The following NF2 variants were observed in gnomAD, a reference collection of about 807,000 sequenced individuals.
The protein encoded by NF2 is NF2, moesin-ezrin-radixin like (MERLIN) tumor suppressor, also known as merlin.
Under a neutral mutation model 83.7 loss-of-function variants are expected in NF2, and 8 were observed. The ratio of observed to expected loss-of-function variants is 0.10; its 90% CI spans 0.06 to 0.17. The LOEUF is 0.17. Ranked by LOEUF, NF2 falls within the 10% of genes least tolerant of loss-of-function variation. The pLI, the probability that NF2 is intolerant of heterozygous loss-of-function variation, is 1.00. For synonymous variants in NF2, 266 were observed against 269.6 expected (o/e 0.99, Z 0.13); for missense variants, 533 against 744.4 (o/e 0.72, Z 3.31).
At chr22:29,646,675 C>A (rs2065990011) in intron 4 of NF2, among the ~76,000 whole-genome samples, 1 of 152,114 alleles carries the variant, frequency 6.6e-6, no homozygotes, top group African/African-American at 2.4e-5. Flanking sequence ...AAACAATTAC[C>A]CTCAAAGTAT....
intron 14 of NF2, among the ~76,000 whole-genome samples, chr22:29,681,115 TC>T (rs1048541292): frequency 2.0e-5 from 3 of 151,744 alleles, no homozygotes; most frequent in Non-Finnish European, 4.4e-5. Context: ...GGTCTCCAAC[TC>T]CTGGGCTCAA....
chr22:29,688,229 C>A (rs537254755), intron 15 of NF2, among the ~76,000 whole-genome samples: 1 of 152,266 alleles, frequency 6.6e-6, no homozygotes, highest in South Asian at 2.1e-4. Context: ...GGTACTTTAC[C>A]ACCATTTGGA....
chr22:29,636,609 A>T lies in NF2; in HGVS notation c.115-142A>T. 9.1e-7 allele frequency: 1 copy of T among 1,102,768 alleles called. No individual in the cohort carries two copies. Among genetic ancestry groups the T allele is most frequent in the South Asian group, 1.3e-5 (1 of 76,584 alleles). The allele number at this position is 1,102,768 out of a possible 1,614,324, so 68.3% of individuals were successfully genotyped here. On this transcript the variant is annotated intron_variant, in intron 1 of 15. Coordinates refer to ENST00000338641, the MANE Select transcript of NF2 (RefSeq NM_000268.4). The surrounding 1 kb of genome is among the most constrained non-coding windows in gnomAD (Gnocchi z 4.4). The stretch of plus-strand genomic sequence containing the variant: ...CTCATGGGTTTGTAAAGGAAGCTTT[A>T]AAATTATTTAGGAATTCAGTCCTCA...
chr22:29,648,100 C>T (rs1311331847), intron 4 of NF2, among the ~76,000 whole-genome samples: 2 of 151,250 alleles, frequency 1.3e-5, no homozygotes, highest in African/African-American at 4.9e-5. Flanking sequence ...CACTGCACTC[C>T]AGCCTGGACG....
At chr22:29,607,000 C>T (rs1290547799) in intron 1 of NF2, among the ~76,000 whole-genome samples, 3 of 152,136 alleles carry the variant, frequency 2.0e-5, no homozygotes, top group Admixed American at 6.6e-5. Context: ...GCCAAGATCA[C>T]GCCACTGCAC....
intron 4 of NF2, among the ~76,000 whole-genome samples, chr22:29,645,663 A>G (rs1452435028): frequency 6.6e-6 from 1 of 152,148 alleles, no homozygotes; most frequent in Non-Finnish European, 1.5e-5. Context: ...CAGCCTCTCA[A>G]GGACACCACC....
chr22:29,612,774 G>C (rs2064985835), intron 1 of NF2, among the ~76,000 whole-genome samples: 1 of 152,162 alleles, frequency 6.6e-6, no homozygotes, highest in South Asian at 2.1e-4. Context: ...CATAATCCCT[G>C]TCAGAATCCC....
chr22:29,646,067 GC>G (rs1244577500), intron 4 of NF2, among the ~76,000 whole-genome samples: 2 of 152,160 alleles, frequency 1.3e-5, no homozygotes, highest in Admixed American at 6.5e-5. Flanking sequence ...GATCTTACAT[GC>G]CCATAGTGTT....
intron 1 of NF2, among the ~76,000 whole-genome samples, chr22:29,605,494 A>G (rs188193953): frequency 5.3e-5 from 8 of 151,880 alleles, no homozygotes; most frequent in Admixed American, 3.3e-4. Context: ...AATTTTTGTA[A>G]AGACAGGGTT....
chr22:29,664,314 C>G (rs1037710356), intron 8 of NF2, among the ~76,000 whole-genome samples: 1 of 151,924 alleles, frequency 6.6e-6, no homozygotes, highest in Non-Finnish European at 1.5e-5. Flanking sequence ...TACACCCACC[C>G]CTTCCTCCCT....
rs990155264 is a variant in NF2 at position 29,609,225 on chromosome 22, G to C, written c.114+5113G>C. ...TTGGCACCATGGGCTAATCAACTAGGTATGACCTTGGTTATGACAGTGGAA... is the reference window on the plus strand; with the variant it reads ...TTGGCACCATGGGCTAATCAACTAGCTATGACCTTGGTTATGACAGTGGAA... On this transcript the variant is annotated intron_variant, in intron 1 of 15. Transcript: ENST00000338641. 85 of 731,296 alleles carry C rather than the reference G, an allele frequency of 1.2e-4. 1 individual carries two copies. The Admixed American group carries it at 1.5e-3, about 13-fold the overall frequency. The allele number at this position is 731,296 out of a possible 1,614,324, so 45.3% of individuals were successfully genotyped here.
chr22:29,678,163 C>A (rs745975281), intron 13 of NF2, 33 bp from the exon 14 acceptor site: 2 of 1,612,864 alleles, frequency 1.2e-6, no homozygotes, highest in Admixed American at 1.7e-5. Flanking sequence ...CTTGTATGAC[C>A]CAAGCTCCTA....
intron 4 of NF2, among the ~76,000 whole-genome samples, chr22:29,650,528 TTC>T (rs2066117586): frequency 6.6e-6 from 1 of 152,024 alleles, no homozygotes; most frequent in African/African-American, 2.4e-5. Context: ...TTCTTTCTTT[TTC>T]TTTCTTTCTC....
chr22:29,673,741 C>T (rs1212498850), intron 12 of NF2, among the ~76,000 whole-genome samples: 2 of 152,230 alleles, frequency 1.3e-5, no homozygotes, highest in African/African-American at 2.4e-5. Flanking sequence ...TTGATAAGCC[C>T]CTGTCCCTCT....
chr22:29,654,200 G>C (rs1294130578), intron 4 of NF2, among the ~76,000 whole-genome samples: 1 of 152,150 alleles, frequency 6.6e-6, no homozygotes. Flanking sequence ...TGGGTGAAAG[G>C]TATTAAAACT....
At chr22:29,607,508 C>A (rs1019592174) in intron 1 of NF2, among the ~76,000 whole-genome samples, 3 of 152,148 alleles carry the variant, frequency 2.0e-5, no homozygotes, top group Non-Finnish European at 4.4e-5. Flanking sequence ...TCCAGCCAGT[C>A]GCTAAACAAA....
At position 29,694,448 on chromosome 22, in the gene NF2, A is replaced by G. The variant is rs545393896; in HGVS notation, c.1738-304A>G. On this transcript the variant is annotated intron_variant, in intron 15 of 15. Transcript: ENST00000338641. The surrounding 1 kb of genome is among the most constrained non-coding windows in gnomAD (Gnocchi z 4.1). ...TTGGTAGATGGGAATGTGAGAATCT[A>G]TTAAAATAGGCAGGGATCTCCGGTC... Among the ~76,000 whole-genome samples, 1 of 152,322 alleles carries G rather than the reference A, an allele frequency of 6.6e-6. No homozygotes were observed. The highest frequency in any genetic ancestry group is 2.1e-4 in the South Asian group (1 of 4,828).
intron 1 of NF2, among the ~76,000 whole-genome samples, chr22:29,635,544 G>A (rs2065626304): frequency 6.6e-6 from 1 of 152,078 alleles, no homozygotes; most frequent in African/African-American, 2.4e-5. Flanking sequence ...TGGCCAGGAT[G>A]GTCTCGATCT....
At chr22:29,623,025 A>G (rs2146773360) in intron 1 of NF2, among the ~76,000 whole-genome samples, 1 of 135,966 alleles carries the variant, frequency 7.4e-6, no homozygotes, top group East Asian at 2.1e-4. Context: ...ATCACAGCTC[A>G]CTACAGACTT....
Sources: allele counts gnomAD v4.1 joint callset (sites outside exome capture counted in the v4.1 genomes callset), GRCh38; gene constraint gnomAD v4.1.1; non-coding constraint Gnocchi (gnomAD v3.1); transcripts MANE v1.5; gene names NCBI Gene and HGNC (gene_info 2026-07-23, HGNC 2026-07-21).